CD99: variants seen among roughly 807,000 people sequenced by gnomAD.
CD99 encodes CD99 molecule (Xg blood group).
A neutral mutation model predicts 28.4 loss-of-function variants in CD99; 19 were observed. That is an observed-to-expected ratio of 0.67 (90% confidence interval 0.47 to 0.98). The LOEUF is 0.98. Among genes scored for constraint, CD99 ranks in the 50% least tolerant of loss-of-function variants. CD99 has a pLI of 0.00. For synonymous variants in CD99, 103 were observed against 92.1 expected, an observed-to-expected ratio of 1.12 and a Z score of -0.67; for missense variants, 283 against 248.8, an observed-to-expected ratio of 1.14 and a Z score of -0.92.
At chrX:2,715,762 AC>A (rs2048677154) in intron 2 of CD99, among the ~76,000 whole-genome samples, 1 of 152,116 alleles carries the variant, frequency 6.6e-6, no homozygotes, top group Non-Finnish European at 1.5e-5. Flanking sequence ...TGAGGGCTTC[AC>A]GTGTCCCTGT....
rs775492853 is a variant in CD99, at chrX:2,723,195, G to A, written c.311-119G>A. 28 of 998,488 alleles carry A rather than the reference G, an allele frequency of 2.8e-5. No individual in the cohort carries two copies. In the South Asian group the frequency reaches 3.2e-4, roughly 11 times the overall value. 61.9% of individuals were successfully genotyped at this position (998,488 alleles called of 1,614,324 possible). A position where few individuals can be genotyped will look rare whatever the true frequency, so the allele number is the denominator to read the frequency against. On this transcript the variant is annotated intron_variant, in intron 6 of 9. Coordinates refer to ENST00000381192, the MANE Select transcript of CD99 (RefSeq NM_002414.5). ...TAGGCAGGACCCCAGCTCTGTAGCT[G>A]GGTAACATGTACCCCCGTAGAGTGT...
At chrX:2,700,855 A>G (rs1229309294) in intron 1 of CD99, among the ~76,000 whole-genome samples, 3 of 151,546 alleles carry the variant, frequency 2.0e-5, no homozygotes, top group Non-Finnish European at 4.4e-5. Flanking sequence ...CTGTTCATCC[A>G]TCCATCCATT....
In CD99 at chrX:2,717,023, T is replaced by C. The variant is rs1253255914; in HGVS notation, c.101-582T>C. 5.9e-5 allele frequency among the ~76,000 whole-genome samples: 9 copies of C among 152,214 alleles called. No homozygotes were observed. The East Asian group carries it at 1.7e-3, about 29-fold the overall frequency. On this transcript the variant is annotated intron_variant, in intron 2 of 9. Transcript: ENST00000381192. The stretch of plus-strand genomic sequence containing the variant: ...GCCATTCTCCTGCCTTCCTGGCTTA[T>C]GTCTCAGTCATAGTCCCATTCAACG...
intron 2 of CD99, chrX:2,715,315 A>G (rs2048641195): frequency 6.6e-6 from 1 of 152,212 alleles, no homozygotes; most frequent in Non-Finnish European, 1.5e-5. Context: ...ATCATCTTCC[A>G]GACCTGGACA....
intron 7 of CD99, among the ~76,000 whole-genome samples, chrX:2,724,033 G>C (rs1471931668): frequency 2.9e-5 from 4 of 137,884 alleles, no homozygotes; most frequent in Non-Finnish European, 6.2e-5. Context: ...AAGGAAGGAA[G>C]GGAGGAAAAG....
intron 6 of CD99, 137 bp from the exon 7 acceptor site, chrX:2,723,177 G>A: frequency 1.2e-6 from 1 of 855,912 alleles, no homozygotes; most frequent in Non-Finnish European, 2.0e-6. Flanking sequence ...TAATAGGCAG[G>A]ACCCCAGCTC....
At chrX:2,700,912 CCCACCCAACCATCCAT>C (rs1429923732) in intron 1 of CD99, among the ~76,000 whole-genome samples, 70 of 149,782 alleles carry the variant, frequency 4.7e-4, no homozygotes, top group African/African-American at 1.3e-3. Context: ...CATCCATCCA[CCCACCCAACCATCCAT>C]CCACCCAACC....
At chrX:2,722,860 G>A (rs775337818) in intron 6 of CD99, 186 bp downstream of exon 6, 72 of 195,838 alleles carry the variant, frequency 3.7e-4, no homozygotes, top group African/African-American at 1.5e-3. Context: ...AGGCTGCCCC[G>A]TAGAGGTTCG....
intron 8 of CD99, among the ~76,000 whole-genome samples, chrX:2,729,840 T>A (rs1165287373): frequency 1.3e-5 from 2 of 152,132 alleles, no homozygotes; most frequent in African/African-American, 4.8e-5. Flanking sequence ...GAAACAATTT[T>A]CCTAGATTCT....
chrX:2,727,410 C>T (rs1425022422), intron 8 of CD99: 1 of 756,124 alleles, frequency 1.3e-6, no homozygotes, highest in Non-Finnish European at 2.5e-6. Context: ...ACATTTAGCT[C>T]TTGCCTTCCC....
At chrX:2,691,784 C>A in intron 1 of CD99, 1 of 771,062 alleles carries the variant, frequency 1.3e-6, no homozygotes, top group East Asian at 2.4e-5. Flanking sequence ...TTATCTACCC[C>A]CAGGGTTTGG....
chrX:2,691,966 A>T (rs777630086), intron 1 of CD99: 4 of 772,756 alleles, frequency 5.2e-6, no homozygotes, highest in South Asian at 4.1e-5. Flanking sequence ...GTTCAAAAAT[A>T]CTCTGTGGAT....
At chrX:2,701,783 G>C (rs995520824) in intron 1 of CD99, among the ~76,000 whole-genome samples, 1 of 152,204 alleles carries the variant, frequency 6.6e-6, no homozygotes, top group African/African-American at 2.4e-5. Context: ...GCCCGTCTTT[G>C]GGTAACAGCA....
intron 1 of CD99, among the ~76,000 whole-genome samples, chrX:2,701,704 AGT>A (rs1409761772): frequency 6.6e-6 from 1 of 152,224 alleles, no homozygotes; most frequent in African/African-American, 2.4e-5. Flanking sequence ...ACTGCTGAGG[AGT>A]GCAGATTTAA....
intron 8 of CD99, among the ~76,000 whole-genome samples, chrX:2,736,363 G>A (rs1180163693): frequency 1.3e-5 from 2 of 152,064 alleles, no homozygotes; most frequent in East Asian, 3.9e-4. Flanking sequence ...AGCTTCTGCT[G>A]CTTCCCTTTG....
chrX:2,723,734 G>A (rs998234255), intron 7 of CD99, among the ~76,000 whole-genome samples: 4 of 152,118 alleles, frequency 2.6e-5, no homozygotes, highest in African/African-American at 4.8e-5. Flanking sequence ...CCTTGAGAAC[G>A]TCAGTAACCA....
intron 8 of CD99, among the ~76,000 whole-genome samples, chrX:2,732,302 CT>C (rs1242870467): frequency 2.0e-5 from 3 of 152,128 alleles, no homozygotes; most frequent in African/African-American, 7.2e-5. Flanking sequence ...CAGAGCCCAG[CT>C]TCCGTGGCTG....
chrX:2,727,148 CAA>C (rs1246370822), intron 8 of CD99: 6 of 683,120 alleles, frequency 8.8e-6, no homozygotes, highest in Non-Finnish European at 1.6e-5. Flanking sequence ...AAAAACAAAA[CAA>C]AACAAAAACC....
At chrX:2,691,573 G>C in intron 1 of CD99, 146 bp downstream of exon 1, 3 of 895,156 alleles carry the variant, frequency 3.4e-6, no homozygotes, top group Non-Finnish European at 3.6e-6. Flanking sequence ...GCCCACGGGG[G>C]CCCAGGCCCG....
Sources: allele counts gnomAD v4.1 joint callset (sites outside exome capture counted in the v4.1 genomes callset), GRCh38; gene constraint gnomAD v4.1.1; transcripts MANE v1.5; gene names NCBI Gene and HGNC (gene_info 2026-07-23, HGNC 2026-07-21).